CACNA2D1: variants seen among roughly 807,000 people sequenced by gnomAD.
CACNA2D1 encodes the protein voltage-dependent calcium channel subunit alpha-2/delta-1.
A neutral mutation model predicts 171.5 loss-of-function variants in CACNA2D1; 53 were observed. That is an observed-to-expected ratio of 0.31 (90% CI 0.25 to 0.39). The LOEUF (loss-of-function observed/expected upper bound fraction) is 0.39, where lower values mean the gene tolerates loss of function less well. CACNA2D1 is among the 10% of genes least tolerant of loss of function. The pLI is 1.00. For missense variants in CACNA2D1, 903 were observed against 1,299.8 expected (o/e 0.69, Z 4.69); for synonymous variants, 442 against 443.1 (o/e 1.00, Z 0.03).
chr7:82,096,901 T>C (rs550277319), intron 6 of CACNA2D1, among the ~76,000 whole-genome samples: 10 of 152,256 alleles, frequency 6.6e-5, no homozygotes, highest in South Asian at 4.1e-4. Flanking sequence ...TTTTTGAAGA[T>C]ACTTTGAGTC....
intron 6 of CACNA2D1, among the ~76,000 whole-genome samples, chr7:82,085,852 T>C (rs1031780895): frequency 6.6e-6 from 1 of 152,148 alleles, no homozygotes; most frequent in Non-Finnish European, 1.5e-5. Flanking sequence ...TAATGTAGGA[T>C]ATAATATGGG....
intron 15 of CACNA2D1, among the ~76,000 whole-genome samples, chr7:82,009,635 T>A (rs1300030212): frequency 6.6e-6 from 1 of 152,112 alleles, no homozygotes; most frequent in Non-Finnish European, 1.5e-5. Flanking sequence ...TTATACTGCA[T>A]ACCATAATTT....
intron 36 of CACNA2D1, among the ~76,000 whole-genome samples, chr7:81,960,177 C>G (rs1015387162): frequency 6.6e-6 from 1 of 151,996 alleles, no homozygotes; most frequent in Non-Finnish European, 1.5e-5. Context: ...GCCAAAGTTG[C>G]CTTATTTTAC....
intron 6 of CACNA2D1, among the ~76,000 whole-genome samples, chr7:82,108,009 A>C (rs1488196533): frequency 6.6e-6 from 1 of 152,270 alleles, no homozygotes; most frequent in Non-Finnish European, 1.5e-5. Flanking sequence ...GAAAAGGTTT[A>C]ATAGGCTATC....
intron 21 of CACNA2D1, among the ~76,000 whole-genome samples, chr7:81,985,345 G>A (rs949859135): frequency 1.3e-5 from 2 of 151,838 alleles, no homozygotes; most frequent in African/African-American, 4.8e-5. Flanking sequence ...GGGACCATAG[G>A]CACATGCCAC....
intron 3 of CACNA2D1, among the ~76,000 whole-genome samples, chr7:82,232,500 C>T (rs1803051773): frequency 6.6e-6 from 1 of 152,080 alleles, no homozygotes. Flanking sequence ...TGGGCTTTCT[C>T]AGTATCATCT....
chr7:82,212,953 T>C (rs565439144), intron 3 of CACNA2D1, among the ~76,000 whole-genome samples: 57 of 151,572 alleles, frequency 3.8e-4, no homozygotes, highest in Non-Finnish European at 8.0e-4. Context: ...CAGGCTGGAG[T>C]GCAATGGTGC....
At chr7:81,994,718 T>A (rs1797868982) in intron 20 of CACNA2D1, 150 bp downstream of exon 20, 1 of 570,046 alleles carries the variant, frequency 1.8e-6, no homozygotes, top group African/African-American at 1.9e-5. Flanking sequence ...TCCCTCCAGC[T>A]AAGAAGTGCT....
intron 3 of CACNA2D1, among the ~76,000 whole-genome samples, chr7:82,186,864 A>G (rs1212874058): frequency 2.0e-5 from 3 of 152,182 alleles, no homozygotes; most frequent in African/African-American, 7.2e-5. Context: ...CACTCATTAC[A>G]TATAATCTCT....
At chr7:82,200,939 T>C (rs921529246) in intron 3 of CACNA2D1, among the ~76,000 whole-genome samples, 6 of 152,232 alleles carry the variant, frequency 3.9e-5, no homozygotes, top group Non-Finnish European at 2.9e-5. Flanking sequence ...ATATATGTTA[T>C]GCATGGGTAA....
At chr7:82,186,187 GGA>G in intron 3 of CACNA2D1, among the ~76,000 whole-genome samples, 1 of 117,536 alleles carries the variant, frequency 8.5e-6, no homozygotes, top group African/African-American at 3.1e-5. Context: ...AAGGAAGGAA[GGA>G]AGGGAGGGAG....
chr7:82,050,584 TG>T, intron 10 of CACNA2D1: 1 of 702,826 alleles, frequency 1.4e-6, no homozygotes, highest in East Asian at 2.7e-5. Flanking sequence ...TTAATTACTC[TG>T]CATTGAAAAT....
rs1563162532 is a variant in CACNA2D1 at position 82,178,384 on chromosome 7, CACA to C, written c.295-7778_295-7776del. 3.3e-5 allele frequency among the ~76,000 whole-genome samples: 5 copies of C among 152,116 alleles called. No homozygotes were observed. In the South Asian group the frequency reaches 1.0e-3, roughly 32 times the overall value. ...TTTAGCAGTATGAAAATAAATAATA[CACA>C]ACAATTATCATACCTTCTTTTGGGT... On this transcript the variant is annotated intron_variant, in intron 3 of 38. Transcript: ENST00000356860.
chr7:82,433,797 G>C (rs1361453383), intron 1 of CACNA2D1, among the ~76,000 whole-genome samples: 1 of 152,166 alleles, frequency 6.6e-6, no homozygotes, highest in Non-Finnish European at 1.5e-5. Flanking sequence ...CCCCTATCCA[G>C]GGTAATAGCA....
Position 82,274,353 on chromosome 7 carries a change from A to G in CACNA2D1, c.294+60782T>C, listed in dbSNP as rs375550514. 1.4e-3 allele frequency among the ~76,000 whole-genome samples: 209 copies of G among 152,278 alleles called. 4 individuals carry two copies. In the South Asian group the frequency reaches 0.042, roughly 30 times the overall value. On this transcript the variant is annotated intron_variant, in intron 3 of 38. Coordinates refer to ENST00000356860, the MANE Select transcript of CACNA2D1 (RefSeq NM_000722.4). ...AAAAGTCTATTATTTTCTTTATTGCATATTTACTTTAATTTGTAAACATAA... is the reference window on the plus strand; with the variant it reads ...AAAAGTCTATTATTTTCTTTATTGCGTATTTACTTTAATTTGTAAACATAA...
intron 3 of CACNA2D1, among the ~76,000 whole-genome samples, chr7:82,243,948 A>G (rs1804614551): frequency 6.6e-6 from 1 of 152,178 alleles, no homozygotes; most frequent in Non-Finnish European, 1.5e-5. Context: ...TAAAGAAAAC[A>G]GGGACCAAAG....
chr7:82,267,713 G>C (rs893876235), intron 3 of CACNA2D1, among the ~76,000 whole-genome samples: 4 of 152,088 alleles, frequency 2.6e-5, no homozygotes, highest in African/African-American at 9.7e-5. Flanking sequence ...CTACAAACTC[G>C]GCTGGGTGTG....
intron 18 of CACNA2D1, among the ~76,000 whole-genome samples, chr7:81,997,665 A>T (rs1322466746): frequency 1.2e-5 from 1 of 82,428 alleles, no homozygotes. Context: ...TAAAATTTGT[A>T]AAAAAAAAAA....
rs1584473775 is a variant in CACNA2D1 at position 82,029,240 on chromosome 7, T to C, written c.1143+3557A>G. On this transcript the variant is annotated intron_variant, in intron 12 of 38. Coordinates refer to ENST00000356860, the MANE Select transcript of CACNA2D1 (RefSeq NM_000722.4). ...CTTAGATGATCGTTAGTGTTTGTTA[T>C]ACATTTTGTGAATTAAAGAATAGAG... The C allele has an allele frequency of 2.0e-5, 3 of 151,980 alleles. No individual in the cohort carries two copies. In the South Asian group the frequency reaches 6.2e-4, roughly 32 times the overall value. 9.4% of individuals were successfully genotyped at this position (151,980 alleles called of 1,614,324 possible).
Sources: gnomAD v4.1 joint callset for allele counts (sites outside exome capture counted in the v4.1 genomes callset) on GRCh38, gnomAD v4.1.1 for gene constraint, MANE v1.5 for transcripts, NCBI Gene and HGNC (gene_info 2026-07-23, HGNC 2026-07-21) for gene names.